RFC1: variants seen among roughly 807,000 people sequenced by gnomAD.
RFC1 encodes the protein A1 140 kDa subunit.
RFC1 carries 37 observed loss-of-function variants against 137.4 expected under a neutral mutation model. The observed-to-expected ratio is 0.27, with a 90% confidence interval of 0.21 to 0.35. The LOEUF is 0.35. Among genes scored for constraint, RFC1 ranks in the 10% least tolerant of loss-of-function variants. RFC1 has a pLI of 1.00. For missense variants in RFC1, 1,205 were observed against 1,358.5 expected (o/e 0.89, Z 1.78); for synonymous variants, 429 against 455.7 (o/e 0.94, Z 0.75).
chr4:39,348,377 T>G (rs540697306), intron 2 of RFC1, among the ~76,000 whole-genome samples: 2 of 135,208 alleles, frequency 1.5e-5, no homozygotes, highest in Non-Finnish European at 3.2e-5. Flanking sequence ...GAGCCGAGAT[T>G]GCGCCACTGC....
intron 2 of RFC1, among the ~76,000 whole-genome samples, chr4:39,351,051 C>T (rs1055384082): frequency 2.6e-5 from 4 of 151,804 alleles, no homozygotes; most frequent in Non-Finnish European, 4.4e-5. Context: ...GAGATCGAGA[C>T]CATCCTGGCT....
intron 1 of RFC1, among the ~76,000 whole-genome samples, chr4:39,360,613 C>A (rs1741710310): frequency 6.6e-6 from 1 of 151,760 alleles, no homozygotes; most frequent in African/African-American, 2.4e-5. Context: ...CGAGCACCTG[C>A]AGTCCCAGCT....
chr4:39,304,394 C>T (rs1738525097), intron 15 of RFC1, among the ~76,000 whole-genome samples: 1 of 152,178 alleles, frequency 6.6e-6, no homozygotes, highest in Non-Finnish European at 1.5e-5. Context: ...TAACTCAATG[C>T]CCCAAGCATA....
At chr4:39,320,079 G>T (rs1739436213) in intron 9 of RFC1, among the ~76,000 whole-genome samples, 1 of 152,162 alleles carries the variant, frequency 6.6e-6, no homozygotes, top group South Asian at 2.1e-4. Context: ...GCCGGGCGCG[G>T]TGGCTCACAC....
In RFC1 at chr4:39,300,096, T is replaced by G; in HGVS notation, c.2733A>C (p.Ala911=). The G allele has an allele frequency of 6.2e-7, 1 of 1,614,182 alleles. No homozygotes were observed. ...CTAGGTCACCATCGCATATGCTGTC[T>G]GCTGCTCTGCTTAAAAGCATCAGGT... ...KKHLMLLSRA[A]DSICDGDLVD... is the part of the protein sequence containing the mutation. Residue 911 remains alanine, a synonymous_variant, in exon 21 of 25, where the codon GCA becomes GCC. Transcript: ENST00000349703.
chr4:39,312,794 A>G lies in RFC1; in HGVS notation c.1341T>C (p.Tyr447=), dbSNP rs1349827219. ...GTCCACTATCACGACCCATGACAAG[A>G]TAATTTGTTTTCTTGCTGACATTTC... The part of the protein sequence containing the change: ...VTGNVSKKTN[Y]LVMGRDSGQS... Residue 447 remains tyrosine (Y), a synonymous_variant, in exon 11 of 25, where the codon TAT becomes TAC. Transcript: ENST00000349703. 5 of 1,613,998 alleles carry G rather than the reference A, an allele frequency of 3.1e-6. No individual in the cohort carries two copies. The highest frequency in any genetic ancestry group is 2.5e-6 in the Non-Finnish European group (3 of 1,180,010).
At chr4:39,318,795 A>G (rs1000665820) in intron 9 of RFC1, among the ~76,000 whole-genome samples, 1 of 152,246 alleles carries the variant, frequency 6.6e-6, no homozygotes, top group Non-Finnish European at 1.5e-5. Context: ...TTGTCCACAA[A>G]CAAAAGCATT....
chr4:39,348,422 C>CAAAAAAGAAAAGAAAAGAA, intron 2 of RFC1, among the ~76,000 whole-genome samples: 1 of 46,138 alleles, frequency 2.2e-5, no homozygotes, highest in Non-Finnish European at 4.4e-5. Flanking sequence ...GACTCTGTTT[C>CAAAAAAGAAAAGAAAAGAA]AAAAAAGAAA....
At chr4:39,336,560 G>T (rs1361108582) in intron 4 of RFC1, among the ~76,000 whole-genome samples, 1 of 152,244 alleles carries the variant, frequency 6.6e-6, no homozygotes, top group Non-Finnish European at 1.5e-5. Flanking sequence ...AAGAGGCAGG[G>T]TTTCTAACCT....
Position 39,321,280 on chromosome 4 carries a change from G to C in RFC1, c.808+7C>G, listed in dbSNP as rs749975122. On this transcript the variant is annotated splice_region_variant and intron_variant, in intron 8 of 24. Coordinates refer to ENST00000349703, the MANE Select transcript of RFC1 (RefSeq NM_002913.5). ...TGCTCCATCTTACTTTTTTCTGCTA[G>C]TATTACCTTTATGAGGATATTTATG... is the stretch of plus-strand genomic sequence containing the variant. The C allele has an allele frequency of 6.2e-7, 1 of 1,606,044 alleles. No individual in the cohort carries two copies. The highest frequency in any genetic ancestry group is 1.1e-5 in the South Asian group (1 of 89,924).
Position 39,342,372 on chromosome 4 carries a change from C to G in RFC1, c.304G>C (p.Asp102His), listed in dbSNP as rs143871368. ...GTTTCTGAAATGTATGTAACAGGAT[C>G]CTGCCGTGAAATTTTACCAGGTTTA... Reference protein sequence around the residue: ...SSKPGKISRQDPVTYISETDE... With the variant: ...SSKPGKISRQHPVTYISETDE... Residue 102 changes from aspartate to histidine, a missense_variant, in exon 4 of 25, where the codon GAT becomes CAT. Transcript: ENST00000349703. 3 of 1,613,320 alleles carry G rather than the reference C, an allele frequency of 1.9e-6. No homozygotes were observed. In the African/African-American group the frequency reaches 4.0e-5, roughly 22 times the overall value.
intron 4 of RFC1, among the ~76,000 whole-genome samples, chr4:39,332,331 G>A (rs1740143376): frequency 6.6e-6 from 1 of 152,110 alleles, no homozygotes; most frequent in South Asian, 2.1e-4. Flanking sequence ...GCTTACTTCT[G>A]TTCATTATTT....
chr4:39,341,562 GTTTTTC>G, intron 4 of RFC1: 1 of 455,164 alleles, frequency 2.2e-6, no homozygotes, highest in South Asian at 1.6e-5. Flanking sequence ...TATGGACTTT[GTTTTTC>G]TTTTTATTTT....
intron 4 of RFC1, among the ~76,000 whole-genome samples, chr4:39,331,861 A>C (rs1486561383): frequency 1.3e-5 from 2 of 152,146 alleles, no homozygotes; most frequent in Non-Finnish European, 2.9e-5. Context: ...TGTTTTTTTC[A>C]CACCTTTTGA....
chr4:39,312,616 A>G lies in RFC1; in HGVS notation c.1383+136T>C, dbSNP rs143970934. 153 of 822,920 alleles carry G rather than the reference A, an allele frequency of 1.9e-4. No homozygotes were observed. In the African/African-American group the frequency reaches 2.3e-3, roughly 12 times the overall value. 51.0% of individuals were successfully genotyped at this position (822,920 alleles called of 1,614,324 possible). A position where few individuals can be genotyped will look rare whatever the true frequency, so the allele number is the denominator to read the frequency against. ...GTCAGAGCCAATAACACTTCTGTGG[A>G]GAAGAAATAATGTAGGCAAGAAATT... On this transcript the variant is annotated intron_variant, in intron 11 of 24. Transcript: ENST00000349703.
chr4:39,321,226 T>G, intron 8 of RFC1, 61 bp downstream of exon 8: 1 of 1,241,046 alleles, frequency 8.1e-7, no homozygotes, highest in Non-Finnish European at 1.2e-6. Flanking sequence ...TAAACAAGAT[T>G]ATCATGAATT....
intron 4 of RFC1, among the ~76,000 whole-genome samples, chr4:39,340,955 C>T (rs548471630): frequency 2.5e-4 from 38 of 152,210 alleles, no homozygotes; most frequent in Admixed American, 1.4e-3. Context: ...TACTGCCTAA[C>T]GTTCATAAAA....
chr4:39,351,396 C>T lies in RFC1; in HGVS notation c.84G>A (p.Lys28=), dbSNP rs1275743457. ...TTGCTTTTAAAGTTTCTTCATCAGACTTTGTTTTCTCATTCTTCTTTACTG... is the reference window on the plus strand; with the variant it reads ...TTGCTTTTAAAGTTTCTTCATCAGATTTTGTTTTCTCATTCTTCTTTACTG... ...SETVKKNEKT[K]SDEETLKAKK... Residue 28 remains lysine, a synonymous_variant, in exon 2 of 25, where the codon AAG becomes AAA. Transcript: ENST00000349703. The T allele has an allele frequency of 3.2e-6, 5 of 1,567,248 alleles. No individual in the cohort carries two copies. The African/African-American group carries it at 4.2e-5, about 13-fold the overall frequency.
chr4:39,356,972 A>C (rs943141259), intron 1 of RFC1, among the ~76,000 whole-genome samples: 6 of 152,198 alleles, frequency 3.9e-5, no homozygotes, highest in Admixed American at 2.6e-4. Flanking sequence ...TTTTTCATTC[A>C]ATCATTCATT....
Sources: gnomAD v4.1 joint callset for allele counts (sites outside exome capture counted in the v4.1 genomes callset) on GRCh38, gnomAD v4.1.1 for gene constraint, MANE v1.5 for transcripts, NCBI Gene and HGNC (gene_info 2026-07-23, HGNC 2026-07-21) for gene names.